The following LIFR variants were observed in gnomAD, a reference collection of about 807,000 sequenced individuals.
LIFR encodes the protein leukemia inhibitory factor receptor.
In LIFR, 84 loss-of-function variants were observed where a neutral mutation model predicts 122.2. That is an observed-to-expected ratio of 0.69 (90% CI 0.58 to 0.82). The LOEUF is 0.82. LIFR is among the 40% of genes least tolerant of loss of function. The pLI, the probability that LIFR is intolerant of heterozygous loss-of-function variation, is 0.00. For missense variants in LIFR, 1,294 were observed against 1,311.6 expected (o/e 0.99, Z 0.21); for synonymous variants, 422 against 434.7 (o/e 0.97, Z 0.36).
At chr5:38,519,552 A>G (rs747665257) in intron 5 of LIFR, among the ~76,000 whole-genome samples, 12 of 152,130 alleles carry the variant, frequency 7.9e-5, no homozygotes, top group African/African-American at 1.4e-4. Context: ...CACAGAACTT[A>G]TATCTTCTAT....
chr5:38,478,961 T>A lies in LIFR; in HGVS notation c.*2634A>T, dbSNP rs1052311145. 8.7e-6 allele frequency: 2 copies of A among 230,426 alleles called. No homozygotes were observed. Among genetic ancestry groups the A allele is most frequent in the Non-Finnish European group, 1.7e-5 (2 of 116,310 alleles). 14.3% of individuals were successfully genotyped at this position (230,426 alleles called of 1,614,324 possible). A position where few individuals can be genotyped will look rare whatever the true frequency, so the allele number is the denominator to read the frequency against. On this transcript the variant is annotated 3_prime_UTR_variant, in exon 20 of 20. Transcript: ENST00000453190. Reference sequence around the variant, plus strand: ...CCAAGGGAGAAGCCACGAATCTAACTGGACAGAGCACAATCAGTATGAGAC... The same window carrying A: ...CCAAGGGAGAAGCCACGAATCTAACAGGACAGAGCACAATCAGTATGAGAC...
intron 5 of LIFR, among the ~76,000 whole-genome samples, chr5:38,515,597 A>C (rs959589999): frequency 6.7e-6 from 1 of 150,232 alleles, no homozygotes; most frequent in African/African-American, 2.4e-5. Flanking sequence ...CTGCGGGGAG[A>C]AGGAGGGAGA....
chr5:38,554,002 T>A (rs867945917), intron 1 of LIFR, among the ~76,000 whole-genome samples: 1 of 152,072 alleles, frequency 6.6e-6, no homozygotes, highest in Non-Finnish European at 1.5e-5. Flanking sequence ...AAGATACTGG[T>A]GATAATCTAC....
chr5:38,493,848 A>G (rs1445480282), intron 13 of LIFR, 63 bp from the exon 14 acceptor site: 1 of 1,338,980 alleles, frequency 7.5e-7, no homozygotes, highest in East Asian at 2.3e-5. Flanking sequence ...CAAATCTCAT[A>G]AAAATGGACA....
intron 5 of LIFR, among the ~76,000 whole-genome samples, chr5:38,513,520 G>A (rs1440266315): frequency 1.3e-5 from 2 of 152,204 alleles, no homozygotes; most frequent in African/African-American, 4.8e-5. Context: ...AATATCTTTG[G>A]ATTGAAGAAT....
chr5:38,581,208 A>G lies in LIFR; in HGVS notation c.-20+14053T>C, dbSNP rs79930947. ...CTAGCATCATTCCCCTCCTATTAGA[A>G]TCATCTTTCTAAGAAAAAAAAAAAC... On this transcript the variant is annotated intron_variant, in intron 1 of 19. Coordinates refer to the LIFR transcript ENST00000263409. 5.8e-3 allele frequency among the ~76,000 whole-genome samples: 887 copies of G among 151,892 alleles called. 8 individuals are homozygous for G. Among genetic ancestry groups the G allele is most frequent in the African/African-American group, 0.02 (847 of 41,428 alleles).
In LIFR at chr5:38,490,069, A is replaced by G. The variant is rs187625422; in HGVS notation, c.2167+121T>C. On this transcript the variant is annotated intron_variant, in intron 15 of 19. Coordinates refer to ENST00000453190, the MANE Select transcript of LIFR (RefSeq NM_001127671.2). ...TAATCAAATACTTTTTAATTTATCA[A>G]ATTATTTTACCTTCCTTCAATTATA... 8.6e-6 allele frequency: 4 copies of G among 463,932 alleles called. No homozygotes were observed. In the Admixed American group the frequency reaches 1.1e-4, roughly 13 times the overall value. The allele number at this position is 463,932 out of a possible 1,614,324, so 28.7% of individuals were successfully genotyped here.
At position 38,504,138 on chromosome 5, in the gene LIFR, TAA is replaced by T. The variant is rs564274522; in HGVS notation, c.1292-19_1292-18del. ...GGGGATAAACTGCAAATATAATTTTTAAAGATTAAACACTTATTTAAAGGGAA... is the reference window on the plus strand; with the variant it reads ...GGGGATAAACTGCAAATATAATTTTTAGATTAAACACTTATTTAAAGGGAA... On this transcript the variant is annotated intron_variant, in intron 9 of 19. Coordinates refer to ENST00000453190, the MANE Select transcript of LIFR (RefSeq NM_001127671.2). 1.3e-4 allele frequency: 189 copies of T among 1,461,016 alleles called. 1 individual carries two copies. In the East Asian group the frequency reaches 4.0e-3, roughly 31 times the overall value. The allele number at this position is 1,461,016 out of a possible 1,614,324, so 90.5% of individuals were successfully genotyped here.
chr5:38,512,326 T>C (rs1022078793), intron 5 of LIFR, among the ~76,000 whole-genome samples: 14 of 152,114 alleles, frequency 9.2e-5, no homozygotes, highest in African/African-American at 3.4e-4. Flanking sequence ...AATCTAAAAA[T>C]CTAAAATCTG....
rs779962357 is a variant in LIFR at position 38,523,555 on chromosome 5, A to G, written c.425T>C (p.Leu142Ser). 4 of 1,613,338 alleles carry G rather than the reference A, an allele frequency of 2.5e-6. No homozygotes were observed. Among genetic ancestry groups the G allele is most frequent in the Non-Finnish European group, 3.4e-6 (4 of 1,179,334 alleles). The change falls in exon 5 of 20, where the codon TTG (leucine) becomes TCG (serine). Residue 142 changes from leucine to serine, a missense_variant. Physicochemically the swap from Leu to Ser is moderately radical, Grantham distance 145. Coordinates refer to ENST00000453190, the MANE Select transcript of LIFR (RefSeq NM_001127671.2). ...VSLIPDTPEI[L>S]NLSADFSTST... Reference sequence around the variant, plus strand: ...GGTTGAGAAATCAGCAGACAAATTCAAGATCTCTGGAGTATCTGGAATTAA... The same window carrying G: ...GGTTGAGAAATCAGCAGACAAATTCGAGATCTCTGGAGTATCTGGAATTAA...
At chr5:38,493,269 A>C (rs2367401) in intron 14 of LIFR, among the ~76,000 whole-genome samples, 47,308 of 151,960 alleles carry the variant, frequency 0.31, 7,685 homozygotes, top group East Asian at 0.42. Flanking sequence ...ATGTTACTTA[A>C]CATTCCATTT....
At chr5:38,518,246 T>C (rs930299840) in intron 5 of LIFR, among the ~76,000 whole-genome samples, 1 of 152,116 alleles carries the variant, frequency 6.6e-6, no homozygotes, top group South Asian at 2.1e-4. Flanking sequence ...TTATAAAATA[T>C]AAATTGTAGC....
intron 1 of LIFR, among the ~76,000 whole-genome samples, chr5:38,536,123 A>G (rs1747282826): frequency 6.6e-6 from 1 of 152,198 alleles, no homozygotes; most frequent in African/African-American, 2.4e-5. Context: ...AAACAAATCA[A>G]TGTAGAAATG....
At chr5:38,498,201 T>C (rs1455351008) in intron 12 of LIFR, among the ~76,000 whole-genome samples, 3 of 152,168 alleles carry the variant, frequency 2.0e-5, no homozygotes, top group African/African-American at 7.2e-5. Flanking sequence ...CTAAGACTTA[T>C]GGGCTTCTTG....
rs1184588978 is a variant in LIFR, at chr5:38,475,704, T to A, written c.*5891A>T. The stretch of plus-strand genomic sequence containing the variant: ...TTTTGTAAACAGTAATTCACTATAA[T>A]GCAATTTTGAAAGTAAAAAAAGGTA... On this transcript the variant is annotated 3_prime_UTR_variant, in exon 20 of 20. Coordinates refer to ENST00000453190, the MANE Select transcript of LIFR (RefSeq NM_001127671.2). The A allele has an allele frequency of 5.3e-6, 1 of 188,428 alleles. No homozygotes were observed. The highest frequency in any genetic ancestry group is 1.1e-5 in the Non-Finnish European group (1 of 89,350). The allele number at this position is 188,428 out of a possible 1,614,324, so 11.7% of individuals were successfully genotyped here. A position where few individuals can be genotyped will look rare whatever the true frequency, so the allele number is the denominator to read the frequency against.
chr5:38,489,477 T>C (rs995606253), intron 15 of LIFR, among the ~76,000 whole-genome samples: 5 of 152,212 alleles, frequency 3.3e-5, no homozygotes, highest in Admixed American at 2.6e-4. Context: ...CAATATCCCT[T>C]TTAGACAAAC....
chr5:38,550,944 T>G (rs148135291), intron 1 of LIFR, among the ~76,000 whole-genome samples: 230 of 152,318 alleles, frequency 1.5e-3, no homozygotes, highest in Non-Finnish European at 2.9e-3. Flanking sequence ...TGATTTTTGT[T>G]TAAGTGCTTA....
intron 1 of LIFR, 34 bp from the exon 2 acceptor site, chr5:38,530,700 G>C (rs1340802045): frequency 2.5e-5 from 40 of 1,588,634 alleles, no homozygotes; most frequent in Non-Finnish European, 3.5e-5. Context: ...ATGGTGTTCA[G>C]ATTGTTCTGA....
chr5:38,512,677 C>G (rs900559696), intron 5 of LIFR, among the ~76,000 whole-genome samples: 2 of 151,746 alleles, frequency 1.3e-5, no homozygotes, highest in African/African-American at 4.8e-5. Context: ...TAACAAAAAT[C>G]CCAAGTCTGA....
Sources: gnomAD v4.1 joint callset for allele counts (sites outside exome capture counted in the v4.1 genomes callset) on GRCh38, gnomAD v4.1.1 for gene constraint, MANE v1.5 for transcripts, NCBI Gene and HGNC (gene_info 2026-07-23, HGNC 2026-07-21) for gene names.